Variants in CPED1 observed in about 807,000 individuals in gnomAD.
The protein encoded by CPED1 is cadherin-like and PC-esterase domain-containing protein 1.
A neutral mutation model predicts 128.2 loss-of-function variants in CPED1; 114 were observed. The observed-to-expected ratio is 0.89, with a 90% CI of 0.76 to 1.04. The LOEUF (loss-of-function observed/expected upper bound fraction) is 1.04. Ranked by LOEUF, CPED1 falls within the 50% of genes least tolerant of loss-of-function variation. CPED1 has a pLI of 0.00. For missense variants in CPED1, 1,211 were observed against 1,207.1 expected (o/e 1.00, Z -0.05); for synonymous variants, 462 against 426.7 (o/e 1.08, Z -1.02).
chr7:121,136,774 G>A (rs981618751), intron 14 of CPED1, among the ~76,000 whole-genome samples: 3 of 152,004 alleles, frequency 2.0e-5, no homozygotes, highest in African/African-American at 7.2e-5. Context: ...ACAGTGGCAT[G>A]CACCTATATG....
At chr7:121,271,493 T>C in intron 22 of CPED1, 63 bp downstream of exon 22, 1 of 1,465,554 alleles carries the variant, frequency 6.8e-7, no homozygotes, top group Non-Finnish European at 9.4e-7. Flanking sequence ...TGTTGTATCT[T>C]TAATTGTATT....
intron 16 of CPED1, among the ~76,000 whole-genome samples, chr7:121,142,649 G>T (rs1322563513): frequency 6.6e-6 from 1 of 151,942 alleles, no homozygotes; most frequent in Admixed American, 6.6e-5. Flanking sequence ...CAAGGCTGTA[G>T]TTTCTCTTGT....
At chr7:121,194,022 C>CTACATATATATATATA (rs1797208980) in intron 16 of CPED1, among the ~76,000 whole-genome samples, 1 of 74,762 alleles carries the variant, frequency 1.3e-5, no homozygotes, top group Admixed American at 1.8e-4. Context: ...CTCTCTCTCT[C>CTACATATATATATATA]TATATATATA....
At chr7:121,208,378 T>C (rs910172345) in intron 16 of CPED1, among the ~76,000 whole-genome samples, 1 of 152,040 alleles carries the variant, frequency 6.6e-6, no homozygotes, top group Non-Finnish European at 1.5e-5. Context: ...TTGTATAAGG[T>C]ACATGATGTG....
chr7:120,990,858 G>A (rs1026827582), intron 2 of CPED1, among the ~76,000 whole-genome samples: 4 of 152,140 alleles, frequency 2.6e-5, no homozygotes, highest in African/African-American at 4.8e-5. Flanking sequence ...AAACCTCCAC[G>A]ATTGACCAGC....
chr7:121,078,981 T>G (rs1267656062), intron 5 of CPED1, among the ~76,000 whole-genome samples: 1 of 152,218 alleles, frequency 6.6e-6, no homozygotes, highest in Non-Finnish European at 1.5e-5. Context: ...CTTCTTGGGA[T>G]GTTCTCACAT....
At chr7:121,028,456 T>C (rs914713261) in intron 3 of CPED1, among the ~76,000 whole-genome samples, 3 of 152,202 alleles carry the variant, frequency 2.0e-5, no homozygotes, top group African/African-American at 7.2e-5. Flanking sequence ...GCGCAGACGC[T>C]GAACCCATTA....
intron 16 of CPED1, among the ~76,000 whole-genome samples, chr7:121,202,915 A>G (rs1473326112): frequency 6.6e-6 from 1 of 152,122 alleles, no homozygotes; most frequent in Non-Finnish European, 1.5e-5. Context: ...TTATAGACCC[A>G]GTGAGTTTTC....
At chr7:121,263,207 G>T (rs144103227) in intron 18 of CPED1, among the ~76,000 whole-genome samples, 139 of 152,156 alleles carry the variant, frequency 9.1e-4, no homozygotes, top group Non-Finnish European at 1.8e-3. Context: ...GCATTGGTTT[G>T]CTCAGGATGG....
chr7:121,128,826 T>A (rs555483704), intron 11 of CPED1, among the ~76,000 whole-genome samples: 2 of 152,148 alleles, frequency 1.3e-5, no homozygotes, highest in Non-Finnish European at 2.9e-5. Flanking sequence ...CCAAAAGTTA[T>A]TTCTGCTTAT....
rs1032425788 is a variant in CPED1 at position 121,050,710 on chromosome 7, C to T, written c.540+3717C>T. ...GAACTCCTGACCTCAGGTGATCCAC[C>T]GCCTCGGCCTCCCAAAGTGCTGGGA... On this transcript the variant is annotated intron_variant, in intron 4 of 22. Coordinates refer to ENST00000310396, the MANE Select transcript of CPED1 (RefSeq NM_024913.5). 2.1e-5 allele frequency: 9 copies of T among 419,114 alleles called. No homozygotes were observed. In the East Asian group the frequency reaches 2.2e-4, roughly 10 times the overall value. 26.0% of individuals were successfully genotyped at this position (419,114 alleles called of 1,614,324 possible). A position where few individuals can be genotyped will look rare whatever the true frequency, so the allele number is the denominator to read the frequency against.
chr7:121,228,897 A>G (rs929684838), intron 16 of CPED1, among the ~76,000 whole-genome samples: 1 of 152,062 alleles, frequency 6.6e-6, no homozygotes, highest in African/African-American at 2.4e-5. Flanking sequence ...CAAATATTAC[A>G]TGTTCTCACT....
chr7:121,059,133 G>C (rs1793584613), intron 4 of CPED1, among the ~76,000 whole-genome samples: 1 of 152,194 alleles, frequency 6.6e-6, no homozygotes, highest in African/African-American at 2.4e-5. Context: ...CTCACCGCAA[G>C]TAGACAGGTG....
chr7:121,111,220 C>T (rs1563029482), intron 7 of CPED1, among the ~76,000 whole-genome samples: 1 of 152,146 alleles, frequency 6.6e-6, no homozygotes, highest in Non-Finnish European at 1.5e-5. Context: ...GAAGGCCCTA[C>T]CAGAAAATTT....
chr7:121,142,199 C>T (rs183469483), intron 16 of CPED1, 58 bp downstream of exon 16: 180 of 1,349,400 alleles, frequency 1.3e-4, no homozygotes, highest in African/African-American at 8.4e-4. Flanking sequence ...TTAACCCAGG[C>T]GGAAAATGCC....
intron 2 of CPED1, among the ~76,000 whole-genome samples, chr7:120,996,662 G>A (rs920017705): frequency 3.3e-5 from 5 of 152,100 alleles, no homozygotes; most frequent in Admixed American, 1.3e-4. Context: ...AATATCACAT[G>A]AGCACAGCCC....
At chr7:121,010,441 G>T (rs980368576) in intron 2 of CPED1, among the ~76,000 whole-genome samples, 2 of 152,052 alleles carry the variant, frequency 1.3e-5, no homozygotes, top group African/African-American at 2.4e-5. Context: ...TAGAGACAAG[G>T]TTTCACCACA....
chr7:121,295,518 T>G lies in CPED1; in HGVS notation c.2947T>G (p.Phe983Val). Residue 983 changes from phenylalanine to valine, a missense_variant, in exon 23 of 23, where the codon TTC becomes GTC. Physicochemically the swap from Phe to Val is conservative, Grantham distance 50. Transcript: ENST00000310396. The part of the protein sequence containing the change: ...RSRNHIMGRY[F>V]SNQSKLQQGT... ...AAGAAATCATATCATGGGAAGATAT[T>G]TCAGCAATCAAAGCAAACTACAACA... 6.2e-7 allele frequency: 1 copy of G among 1,614,098 alleles called. No homozygotes were observed. The highest frequency in any genetic ancestry group is 8.5e-7 in the Non-Finnish European group (1 of 1,179,940).
intron 16 of CPED1, among the ~76,000 whole-genome samples, chr7:121,198,671 C>T (rs570508900): frequency 1.3e-5 from 2 of 152,258 alleles, no homozygotes; most frequent in African/African-American, 4.8e-5. Flanking sequence ...CTCTGCAGCT[C>T]ATGTGAAATG....
Sources: allele counts gnomAD v4.1 joint callset (sites outside exome capture counted in the v4.1 genomes callset), GRCh38; gene constraint gnomAD v4.1.1; transcripts MANE v1.5; gene names NCBI Gene and HGNC (gene_info 2026-07-23, HGNC 2026-07-21).